ASIC2: variants seen among roughly 807,000 people sequenced by gnomAD.
The protein encoded by ASIC2 is acid sensing ion channel subunit 2.
ASIC2 carries 25 observed loss-of-function variants against 57.3 expected under a neutral mutation model. The observed-to-expected ratio is 0.44, with a 90% CI of 0.32 to 0.61. The LOEUF (loss-of-function observed/expected upper bound fraction) is 0.61. Among genes scored for constraint, ASIC2 ranks in the 20% least tolerant of loss-of-function variants. The probability of loss-of-function intolerance (pLI) is 0.06; values close to 1 mark genes in which losing one functional copy is unlikely to be tolerated. For synonymous variants in ASIC2, 319 were observed against 307.5 expected (o/e 1.04, Z -0.39); for missense variants, 641 against 738.1 (o/e 0.87, Z 1.52).
intron 1 of ASIC2, among the ~76,000 whole-genome samples, chr17:33,903,924 G>A (rs1915283916): frequency 6.6e-6 from 1 of 152,132 alleles, no homozygotes; most frequent in African/African-American, 2.4e-5. Context: ...AGCACTTTGG[G>A]AGGCCAAGGC....
chr17:33,877,222 C>T (rs1385744444), intron 1 of ASIC2, among the ~76,000 whole-genome samples: 1 of 152,208 alleles, frequency 6.6e-6, no homozygotes, highest in Non-Finnish European at 1.5e-5. Flanking sequence ...TTCTGCATTT[C>T]CAACTGAGGT....
rs1598050277 is a variant in ASIC2, at chr17:34,154,837, G to A, written c.555+1141C>T. Among the ~76,000 whole-genome samples the A allele has an allele frequency of 2.0e-5, 3 of 152,142 alleles. No homozygotes were observed. The South Asian group carries it at 6.2e-4, about 31-fold the overall frequency. On this transcript the variant is annotated intron_variant, in intron 1 of 9. Transcript: ENST00000359872. ...CCTCCCTAAGGCAGCTATGGGGGAA[G>A]CAGCCACACTGGACTTCTGGAGGGT...
intron 1 of ASIC2, among the ~76,000 whole-genome samples, chr17:33,914,756 A>C (rs1183005506): frequency 6.6e-6 from 1 of 152,202 alleles, no homozygotes; most frequent in Non-Finnish European, 1.5e-5. Flanking sequence ...CAATGACCTC[A>C]AGATGCCTTC....
chr17:33,650,883 TGTG>T (rs1906897125), intron 1 of ASIC2, among the ~76,000 whole-genome samples: 1 of 152,138 alleles, frequency 6.6e-6, no homozygotes. Context: ...GAAGGATCCT[TGTG>T]GTGATAGAGG....
intron 3 of ASIC2, among the ~76,000 whole-genome samples, chr17:33,030,129 A>G (rs2091876569): frequency 6.6e-6 from 1 of 152,186 alleles, no homozygotes; most frequent in African/African-American, 2.4e-5. Flanking sequence ...CAACTTCAGA[A>G]GATATAATTT....
At chr17:33,971,388 G>A (rs1905225633) in intron 1 of ASIC2, among the ~76,000 whole-genome samples, 2 of 152,136 alleles carry the variant, frequency 1.3e-5, no homozygotes, top group Admixed American at 1.3e-4. Flanking sequence ...AAGAGCAACG[G>A]CAAGTCTAAA....
Position 33,536,701 on chromosome 17 carries a change from G to C in ASIC2, c.556-424634C>G, listed in dbSNP as rs548902752. 2.6e-5 allele frequency among the ~76,000 whole-genome samples: 4 copies of C among 152,320 alleles called. No individual in the cohort carries two copies. In the East Asian group the frequency reaches 7.7e-4, roughly 29 times the overall value. On this transcript the variant is annotated intron_variant, in intron 1 of 9. Coordinates refer to the ASIC2 transcript ENST00000359872. ...GTTAACTCCTCACACAGTAGCCAAAGTGATCTTTTAAAAGTGTAAGTGAGG... is the reference window on the plus strand; with the variant it reads ...GTTAACTCCTCACACAGTAGCCAAACTGATCTTTTAAAAGTGTAAGTGAGG...
intron 1 of ASIC2, among the ~76,000 whole-genome samples, chr17:33,425,358 A>T (rs1911181577): frequency 6.6e-6 from 1 of 152,260 alleles, no homozygotes; most frequent in African/African-American, 2.4e-5. Flanking sequence ...AAAGCCAGTG[A>T]TCTTTCTATC....
chr17:33,642,218 C>A (rs143616384), intron 1 of ASIC2, among the ~76,000 whole-genome samples: 1,532 of 131,220 alleles, frequency 0.012, 23 homozygotes, highest in East Asian at 0.029. Flanking sequence ...CCCCCCCCCC[C>A]CCCACACACA....
chr17:33,234,032 A>C (rs1033239331), intron 1 of ASIC2, among the ~76,000 whole-genome samples: 19 of 152,134 alleles, frequency 1.2e-4, no homozygotes, highest in African/African-American at 3.6e-4. Flanking sequence ...TGTCACCCAC[A>C]AGGAAGTAGG....
chr17:33,109,775 A>G (rs2092249303), intron 2 of ASIC2, among the ~76,000 whole-genome samples: 1 of 152,216 alleles, frequency 6.6e-6, no homozygotes, highest in Non-Finnish European at 1.5e-5. Context: ...TTGGGTCAGA[A>G]CAGTCTTGGT....
chr17:33,258,718 T>C (rs1321359916), intron 1 of ASIC2, among the ~76,000 whole-genome samples: 2 of 152,160 alleles, frequency 1.3e-5, no homozygotes, highest in African/African-American at 2.4e-5. Context: ...TCAAGACATA[T>C]ACAATGTTCT....
At chr17:33,718,085 A>C (rs1909275900) in intron 1 of ASIC2, among the ~76,000 whole-genome samples, 1 of 152,172 alleles carries the variant, frequency 6.6e-6, no homozygotes, top group African/African-American at 2.4e-5. Context: ...TCCCTGTGCC[A>C]AAATCTGCGA....
At chr17:33,861,070 T>G (rs1403316728) in intron 1 of ASIC2, among the ~76,000 whole-genome samples, 1 of 152,162 alleles carries the variant, frequency 6.6e-6, no homozygotes, top group South Asian at 2.1e-4. Flanking sequence ...TTAACAACAA[T>G]AATTCTTGAA....
At chr17:33,192,638 C>T (rs1403014752) in intron 1 of ASIC2, among the ~76,000 whole-genome samples, 6 of 152,120 alleles carry the variant, frequency 3.9e-5, no homozygotes, top group Non-Finnish European at 8.8e-5. Flanking sequence ...CAACCATGGT[C>T]AGGCAAAAGT....
At chr17:33,758,085 C>G (rs756766374) in intron 1 of ASIC2, among the ~76,000 whole-genome samples, 5 of 152,224 alleles carry the variant, frequency 3.3e-5, no homozygotes, top group Non-Finnish European at 5.9e-5. Flanking sequence ...TCATGACTTG[C>G]TGCAGTATTC....
chr17:33,307,104 A>ACG (rs1394999036), intron 1 of ASIC2, among the ~76,000 whole-genome samples: 1 of 152,046 alleles, frequency 6.6e-6, no homozygotes, highest in Non-Finnish European at 1.5e-5. Flanking sequence ...TACCCTACAA[A>ACG]CGCTTTGCCT....
At chr17:33,567,743 G>T (rs774131623) in intron 1 of ASIC2, among the ~76,000 whole-genome samples, 2 of 152,130 alleles carry the variant, frequency 1.3e-5, no homozygotes, top group African/African-American at 2.4e-5. Context: ...GGGAACAAGT[G>T]GGGGAGTGAG....
intron 1 of ASIC2, among the ~76,000 whole-genome samples, chr17:33,520,855 A>T (rs1914719771): frequency 6.6e-6 from 1 of 152,160 alleles, no homozygotes; most frequent in African/African-American, 2.4e-5. Flanking sequence ...GGTATTTTGA[A>T]ATTGACATTC....
Sources: allele counts gnomAD v4.1 joint callset (sites outside exome capture counted in the v4.1 genomes callset), GRCh38; gene constraint gnomAD v4.1.1; transcripts MANE v1.5; gene names NCBI Gene and HGNC (gene_info 2026-07-23, HGNC 2026-07-21).